Variants in VWA5B1 observed in about 807,000 individuals in gnomAD.
The protein encoded by VWA5B1 is von Willebrand factor A domain containing 5B1, also known as von Willebrand factor A domain-containing protein 5B1.
In VWA5B1, 115 loss-of-function variants were observed where a neutral mutation model predicts 118.2. That is an observed-to-expected ratio of 0.97 (90% CI 0.84 to 1.14). The LOEUF (loss-of-function observed/expected upper bound fraction) is 1.14, where lower values mean the gene tolerates loss of function less well. Ranked by LOEUF, VWA5B1 falls within the 50% of genes most tolerant of loss-of-function variation. The pLI is 0.00. For missense variants in VWA5B1, 1,596 were observed against 1,603.8 expected, an observed-to-expected ratio of 1.00 and a Z score of 0.08; for synonymous variants, 682 against 658.4, an observed-to-expected ratio of 1.04 and a Z score of -0.55.
At chr1:20,340,291 T>C (rs762224539) in intron 14 of VWA5B1, among the ~76,000 whole-genome samples, 21 of 152,174 alleles carry the variant, frequency 1.4e-4, no homozygotes, top group Admixed American at 2.0e-4. Flanking sequence ...CGTTACCAGC[T>C]TCTGTTGCTC....
chr1:20,298,988 T>G (rs2088456618), intron 1 of VWA5B1, among the ~76,000 whole-genome samples: 1 of 152,194 alleles, frequency 6.6e-6, no homozygotes, highest in African/African-American at 2.4e-5. Context: ...CCTAGCTTTA[T>G]GACCTTGGGC....
chr1:20,351,987 CT>C, intron 20 of VWA5B1, 67 bp from the exon 21 acceptor site: 1 of 1,289,828 alleles, frequency 7.8e-7, no homozygotes. Flanking sequence ...CTGACCCTGA[CT>C]TTCAGGGGCT....
intron 6 of VWA5B1, among the ~76,000 whole-genome samples, chr1:20,319,086 G>C (rs2089123574): frequency 6.6e-6 from 1 of 152,216 alleles, no homozygotes; most frequent in Admixed American, 6.5e-5. Flanking sequence ...AGAATTCACA[G>C]AATGTCAGGA....
At chr1:20,302,662 A>C (rs1440504091) in intron 1 of VWA5B1, among the ~76,000 whole-genome samples, 1 of 152,314 alleles carries the variant, frequency 6.6e-6, no homozygotes, top group African/African-American at 2.4e-5. Context: ...CACACGGCAC[A>C]TGGATGATGA....
At chr1:20,347,816 G>A (rs1211184275) in intron 17 of VWA5B1, among the ~76,000 whole-genome samples, 1 of 151,640 alleles carries the variant, frequency 6.6e-6, no homozygotes, top group African/African-American at 2.4e-5. Context: ...GTGATGCCCT[G>A]GGATTTCAGG....
intron 2 of VWA5B1, among the ~76,000 whole-genome samples, chr1:20,312,234 T>C (rs1423629131): frequency 6.6e-6 from 1 of 152,198 alleles, no homozygotes; most frequent in Non-Finnish European, 1.5e-5. Flanking sequence ...AAATCCAAGG[T>C]CATTCGTGAG....
chr1:20,350,322 C>CA, intron 19 of VWA5B1, 92 bp downstream of exon 19: 1 of 1,414,370 alleles, frequency 7.1e-7, no homozygotes, highest in African/African-American at 1.4e-5. Context: ...ACAAAGTCCT[C>CA]AGGGCTTCAT....
At chr1:20,350,751 A>T in intron 19 of VWA5B1, 106 bp from the exon 20 acceptor site, 2 of 1,066,386 alleles carry the variant, frequency 1.9e-6, no homozygotes, top group Non-Finnish European at 2.8e-6. Context: ...CTAGGAACTT[A>T]GCTAAGCACC....
intron 2 of VWA5B1, among the ~76,000 whole-genome samples, 189 bp from the exon 3 acceptor site, chr1:20,312,647 C>T (rs1009901294): frequency 1.3e-5 from 2 of 152,198 alleles, no homozygotes; most frequent in Admixed American, 6.5e-5. Context: ...CTGGCCCTGC[C>T]GCTGTGCTTA....
At chr1:20,296,970 G>T (rs2088416977) in intron 1 of VWA5B1, among the ~76,000 whole-genome samples, 1 of 152,194 alleles carries the variant, frequency 6.6e-6, no homozygotes. Context: ...CTTCTGCATT[G>T]CCTGCCTCGC....
At chr1:20,321,123 A>AAAAAAAC (rs2089199860) in intron 7 of VWA5B1, among the ~76,000 whole-genome samples, 1 of 151,878 alleles carries the variant, frequency 6.6e-6, no homozygotes, top group African/African-American at 2.4e-5. Flanking sequence ...CAAAAAAAAA[A>AAAAAAAC]AAAAAACACG....
Position 20,354,153 on chromosome 1 carries a change from C to T in VWA5B1, c.3538C>T (p.Arg1180Cys), listed in dbSNP as rs747075378. 1.3e-5 allele frequency: 20 copies of T among 1,551,174 alleles called. No individual in the cohort carries two copies. Among genetic ancestry groups the T allele is most frequent in the East Asian group, 4.9e-5 (2 of 40,922 alleles). Reference sequence around the variant, plus strand: ...GGAGCAGCAGGAAGTACCCGAGGGCCGCACGCAGGGCACACTCAAGGCCGC... The same window carrying T: ...GGAGCAGCAGGAAGTACCCGAGGGCTGCACGCAGGGCACACTCAAGGCCGC... Reference protein sequence around the residue: ...WLEQQEVPEGRTQGTLKAAAR... With the variant: ...WLEQQEVPEGCTQGTLKAAAR... Residue 1180 changes from arginine to cysteine, a missense_variant, in exon 22 of 22, where the codon CGC (arginine) becomes TGC (cysteine). Coordinates refer to ENST00000289815, the MANE Select transcript of VWA5B1 (RefSeq NM_001039500.3).
At chr1:20,342,281 A>G (rs2089894955) in intron 14 of VWA5B1, 151 bp from the exon 15 acceptor site, 1 of 692,036 alleles carries the variant, frequency 1.4e-6, no homozygotes, top group Admixed American at 3.5e-5. Flanking sequence ...GCCCAGGAGG[A>G]GCTGCTGTGC....
At chr1:20,332,685 C>A (rs995844239) in intron 11 of VWA5B1, 81 bp from the exon 12 acceptor site, 96 of 1,457,916 alleles carry the variant, frequency 6.6e-5, no homozygotes, top group Non-Finnish European at 8.5e-5. Context: ...TCCCACTCCC[C>A]ACTAAGCTGA....
intron 1 of VWA5B1, among the ~76,000 whole-genome samples, chr1:20,309,971 T>C (rs969860593): frequency 3.3e-5 from 2 of 61,402 alleles, no homozygotes; most frequent in African/African-American, 6.5e-5. Flanking sequence ...GGCGTGGGGG[T>C]GGGGGGTGGT....
intron 19 of VWA5B1, 38 bp from the exon 20 acceptor site, chr1:20,350,819 T>C: frequency 6.5e-7 from 1 of 1,543,236 alleles, no homozygotes; most frequent in Non-Finnish European, 8.8e-7. Context: ...GACGGGGTCA[T>C]CTTCAGGTCT....
intron 1 of VWA5B1, among the ~76,000 whole-genome samples, chr1:20,292,236 C>T (rs2088323698): frequency 6.7e-6 from 1 of 149,604 alleles, no homozygotes; most frequent in African/African-American, 2.5e-5. Flanking sequence ...AGTAAGTCTT[C>T]TCTGCTGAGG....
At chr1:20,291,227 G>T (rs543847334) in intron 1 of VWA5B1, 139 bp downstream of exon 1, 2 of 154,202 alleles carry the variant, frequency 1.3e-5, no homozygotes, top group African/African-American at 4.8e-5. Context: ...GGGCATGTGT[G>T]TCAGGGTGTG....
intron 9 of VWA5B1, among the ~76,000 whole-genome samples, chr1:20,328,325 C>G (rs928312170): frequency 2.0e-5 from 3 of 152,080 alleles, no homozygotes; most frequent in African/African-American, 7.2e-5. Flanking sequence ...CTGAAGCCTC[C>G]GTTTCACAAG....
Sources: gnomAD v4.1 joint callset for allele counts (sites outside exome capture counted in the v4.1 genomes callset) on GRCh38, gnomAD v4.1.1 for gene constraint, MANE v1.5 for transcripts, NCBI Gene and HGNC (gene_info 2026-07-23, HGNC 2026-07-21) for gene names.